Variants in TMEM150B observed in about 807,000 individuals in gnomAD.
TMEM150B encodes modulator of macroautophagy TMEM150B.
A neutral mutation model predicts 25.2 loss-of-function variants in TMEM150B; 33 were observed. The observed-to-expected ratio is 1.31, with a 90% CI of 0.99 to 1.75. TMEM150B has a LOEUF of 1.75. Ranked by LOEUF, TMEM150B falls within the 40% of genes most tolerant of loss-of-function variation. TMEM150B has a pLI of 0.00. For synonymous variants in TMEM150B, 133 were observed against 134.8 expected (o/e 0.99, Z 0.09); for missense variants, 322 against 306.1 (o/e 1.05, Z -0.39).
chr19:55,316,768 C>G lies in TMEM150B; in HGVS notation c.505+18G>C. 2 of 1,482,338 alleles carry G rather than the reference C, an allele frequency of 1.3e-6. No homozygotes were observed. Among genetic ancestry groups the G allele is most frequent in the Non-Finnish European group, 1.8e-6 (2 of 1,120,908 alleles). The allele number at this position is 1,482,338 out of a possible 1,614,324, so 91.8% of individuals were successfully genotyped here. On this transcript the variant is annotated intron_variant, in intron 7 of 7. Coordinates refer to ENST00000326652, the MANE Select transcript of TMEM150B (RefSeq NM_001282011.2). ...GAAGAGCCACCTCCAAGCCCTACCC[C>G]GGATACAAGAAGGATACTGGCCACA...
intron 6 of TMEM150B, among the ~76,000 whole-genome samples, chr19:55,318,765 CTCAA>C (rs1413644009): frequency 1.3e-5 from 2 of 152,176 alleles, no homozygotes; most frequent in African/African-American, 2.4e-5. Flanking sequence ...CTGCCAAATG[CTCAA>C]TCAATGTGCC....
intron 3 of TMEM150B, 37 bp downstream of exon 3, chr19:55,320,932 C>T: frequency 6.2e-7 from 1 of 1,609,392 alleles, no homozygotes; most frequent in Non-Finnish European, 8.5e-7. Flanking sequence ...CCCCTCCACC[C>T]TCAGACCCAG....
chr19:55,324,107 C>A (rs1285289286), intron 1 of TMEM150B, among the ~76,000 whole-genome samples: 1 of 152,128 alleles, frequency 6.6e-6, no homozygotes, highest in Non-Finnish European at 1.5e-5. Context: ...CGCGCCCAAC[C>A]CGTCTGGTGT....
chr19:55,314,267 C>T (rs1444420108), intron 7 of TMEM150B, among the ~76,000 whole-genome samples: 1 of 152,172 alleles, frequency 6.6e-6, no homozygotes, highest in East Asian at 1.9e-4. Flanking sequence ...TGTCATCCGC[C>T]CGCCTTAGTC....
downstream of TMEM150B, chr19:55,312,322 G>T (rs1043267578): frequency 4.5e-6 from 1 of 224,632 alleles, no homozygotes; most frequent in Admixed American, 5.6e-5. Flanking sequence ...ATCTCTCTGC[G>T]GGGTGGGGTG....
chr19:55,320,856 C>T (rs2089187145), intron 3 of TMEM150B, 113 bp downstream of exon 3: 2 of 1,372,712 alleles, frequency 1.5e-6, no homozygotes, highest in African/African-American at 1.5e-5. Context: ...GCTCCTCCTC[C>T]CTCAGATCCA....
chr19:55,315,732 G>A (rs532079942), intron 7 of TMEM150B, among the ~76,000 whole-genome samples: 3 of 149,746 alleles, frequency 2.0e-5, no homozygotes, highest in Non-Finnish European at 4.4e-5. Flanking sequence ...CTTCACTCCA[G>A]CCTAGGTGAC....
chr19:55,318,389 T>C (rs1320432835), intron 6 of TMEM150B, among the ~76,000 whole-genome samples: 1 of 147,320 alleles, frequency 6.8e-6, no homozygotes, highest in Non-Finnish European at 1.5e-5. Flanking sequence ...TGGAGCACTT[T>C]GGGAGGCTGA....
chr19:55,314,265 G>C (rs1050166286), intron 7 of TMEM150B, among the ~76,000 whole-genome samples: 1 of 152,030 alleles, frequency 6.6e-6, no homozygotes, highest in Non-Finnish European at 1.5e-5. Flanking sequence ...CATGTCATCC[G>C]CCCGCCTTAG....
rs1041014262 is a variant in TMEM150B at position 55,325,316 on chromosome 19, A to G, written c.-198T>C. On this transcript the variant is annotated 5_prime_UTR_variant, in exon 1 of 8. Transcript: ENST00000326652. ...TGTCTGGAGCCTGAAGGATCCTTCC[A>G]GAAGCTAGGGCTGCTGGCCTGGCTC... is the stretch of plus-strand genomic sequence containing the variant. The G allele has an allele frequency of 4.1e-6, 4 of 985,322 alleles. No individual in the cohort carries two copies. Among genetic ancestry groups the G allele is most frequent in the Admixed American group, 6.2e-5 (1 of 16,246 alleles). 61.0% of individuals were successfully genotyped at this position (985,322 alleles called of 1,614,324 possible). A position where few individuals can be genotyped will look rare whatever the true frequency, so the allele number is the denominator to read the frequency against.
rs1237739449 is a variant in TMEM150B at position 55,320,635 on chromosome 19, G to T, written c.69-18C>A. On this transcript the variant is annotated intron_variant, in intron 3 of 7. Coordinates refer to ENST00000326652, the MANE Select transcript of TMEM150B (RefSeq NM_001282011.2). ...TGGCAAAACTACGGAGGAAATCAGA[G>T]TGAGTGGGCGACTCTCACCAACAAC... 6.2e-7 allele frequency: 1 copy of T among 1,607,088 alleles called. No homozygotes were observed. The highest frequency in any genetic ancestry group is 2.2e-5 in the East Asian group (1 of 44,878).
chr19:55,316,718 G>T, intron 7 of TMEM150B, 68 bp downstream of exon 7: 1 of 1,361,948 alleles, frequency 7.3e-7, no homozygotes, highest in Non-Finnish European at 9.6e-7. Flanking sequence ...GTGACAGACA[G>T]CCAGGCAGGA....
chr19:55,313,128 C>A, intron 7 of TMEM150B, 73 bp from the exon 8 acceptor site: 2 of 1,471,766 alleles, frequency 1.4e-6, no homozygotes, highest in Non-Finnish European at 1.8e-6. Flanking sequence ...TGCCGCCTCG[C>A]GCTGGGCGGA....
intron 2 of TMEM150B, among the ~76,000 whole-genome samples, chr19:55,321,415 G>A (rs1170948629): frequency 6.6e-6 from 1 of 151,984 alleles, no homozygotes; most frequent in Admixed American, 6.6e-5. Context: ...CTGGGGCTGG[G>A]TGAGCTTAGG....
intron 7 of TMEM150B, among the ~76,000 whole-genome samples, 181 bp downstream of exon 7, chr19:55,316,605 G>A (rs1412445473): frequency 1.3e-5 from 2 of 151,590 alleles, no homozygotes; most frequent in Non-Finnish European, 2.9e-5. Flanking sequence ...GGAGGACAGG[G>A]GCTTCCAACC....
At chr19:55,317,365 G>A (rs1433010047) in intron 6 of TMEM150B, among the ~76,000 whole-genome samples, 1 of 152,074 alleles carries the variant, frequency 6.6e-6, no homozygotes, top group East Asian at 1.9e-4. Context: ...TAAAATTTTG[G>A]CCTGGTGCGG....
chr19:55,319,207 G>A (rs183307517), intron 6 of TMEM150B, among the ~76,000 whole-genome samples: 131 of 152,214 alleles, frequency 8.6e-4, no homozygotes, highest in African/African-American at 3.1e-3. Context: ...TGCCTCCCGG[G>A]TTCAAGCAAT....
intron 1 of TMEM150B, among the ~76,000 whole-genome samples, chr19:55,324,369 G>T (rs2089280814): frequency 6.6e-6 from 1 of 151,672 alleles, no homozygotes; most frequent in Non-Finnish European, 1.5e-5. Flanking sequence ...TAGCTGGGTG[G>T]CCGGGCATGG....
intron 1 of TMEM150B, 65 bp from the exon 2 acceptor site, chr19:55,322,808 C>T (rs912466903): frequency 2.4e-6 from 2 of 839,824 alleles, no homozygotes; most frequent in African/African-American, 1.8e-5. Flanking sequence ...CACTTCCTAA[C>T]GGCTCTCTGT....
Sources: gnomAD v4.1 joint callset for allele counts (sites outside exome capture counted in the v4.1 genomes callset) on GRCh38, gnomAD v4.1.1 for gene constraint, MANE v1.5 for transcripts, NCBI Gene and HGNC (gene_info 2026-07-23, HGNC 2026-07-21) for gene names.